Variants in RHCE observed in about 807,000 individuals in gnomAD.
RHCE encodes blood group Rh(CE) polypeptide.
Under a neutral mutation model 43.8 loss-of-function variants are expected in RHCE, and 22 were observed. The ratio of observed to expected loss-of-function variants is 0.50; its 90% CI spans 0.36 to 0.72. The LOEUF is 0.72. Ranked by LOEUF, RHCE falls within the 30% of genes least tolerant of loss-of-function variation. RHCE has a pLI of 0.00. For missense variants in RHCE, 385 were observed against 525.4 expected (o/e 0.73, Z 2.61); for synonymous variants, 156 against 210.7 (o/e 0.74, Z 2.25).
At chr1:25,415,066 C>T in intron 1 of RHCE, among the ~76,000 whole-genome samples, 1 of 152,128 alleles carries the variant, frequency 6.6e-6, no homozygotes, top group Non-Finnish European at 1.5e-5. Context: ...CAACCTGTCC[C>T]TCCCCTTCTG....
chr1:25,395,721 G>A (rs1646515662), intron 3 of RHCE, among the ~76,000 whole-genome samples: 1 of 152,186 alleles, frequency 6.6e-6, no homozygotes, highest in African/African-American at 2.4e-5. Context: ...GGAGTCCATG[G>A]TAATATAAAC....
chr1:25,384,431 G>T (rs1571856843), intron 7 of RHCE, among the ~76,000 whole-genome samples: 1 of 151,880 alleles, frequency 6.6e-6, no homozygotes, highest in Admixed American at 6.6e-5. Context: ...TTCTCTACAG[G>T]CATCTGAGTA....
chr1:25,373,122 T>G (rs1389118538), intron 8 of RHCE, among the ~76,000 whole-genome samples: 2 of 151,648 alleles, frequency 1.3e-5, no homozygotes, highest in Non-Finnish European at 2.9e-5. Context: ...TTTGCTCATG[T>G]CAAAAACAAC....
At chr1:25,391,248 G>T (rs865926898) in intron 4 of RHCE, among the ~76,000 whole-genome samples, 38 of 152,094 alleles carry the variant, frequency 2.5e-4, no homozygotes, top group Middle Eastern at 6.8e-3. Context: ...GCAGTGGCGC[G>T]ATCTTGGCTC....
At chr1:25,399,692 C>T (rs1179702846) in intron 3 of RHCE, among the ~76,000 whole-genome samples, 1 of 152,106 alleles carries the variant, frequency 6.6e-6, no homozygotes, top group Non-Finnish European at 1.5e-5. Context: ...GTTACATATA[C>T]TAGGGAAATT....
rs572710604 is a variant in RHCE, at chr1:25,413,976, C to T, written c.149-5107G>A. 7.5e-4 allele frequency among the ~76,000 whole-genome samples: 113 copies of T among 151,660 alleles called. No individual in the cohort carries two copies. The South Asian group carries it at 0.011, about 15-fold the overall frequency. On this transcript the variant is annotated intron_variant, in intron 1 of 9. Coordinates refer to ENST00000294413, the MANE Select transcript of RHCE (RefSeq NM_020485.8). ...TCAGAGCCTGGCTCTTCCTCTGTGT[C>T]CCAGCTTCCTGAGCTGTAAAATTGA...
At chr1:25,384,605 C>T (rs1217308629) in intron 7 of RHCE, among the ~76,000 whole-genome samples, 1 of 152,164 alleles carries the variant, frequency 6.6e-6, no homozygotes, top group Admixed American at 6.5e-5. Flanking sequence ...CCTCCTCATC[C>T]CAAGCAAGGA....
At chr1:25,367,518 TAA>T (rs1645463690) in intron 9 of RHCE, among the ~76,000 whole-genome samples, 1 of 102,004 alleles carries the variant, frequency 9.8e-6, no homozygotes, top group South Asian at 3.3e-4. Flanking sequence ...TTGCAGGGGA[TAA>T]AGAGAGATTG....
chr1:25,383,026 G>C (rs889941431), intron 7 of RHCE, among the ~76,000 whole-genome samples: 4 of 152,216 alleles, frequency 2.6e-5, no homozygotes, highest in African/African-American at 7.2e-5. Flanking sequence ...AGATATGGCA[G>C]TCTGAGGTTT....
At chr1:25,402,194 G>GTCTA (rs1425836561) in intron 3 of RHCE, among the ~76,000 whole-genome samples, 135 of 136,920 alleles carry the variant, frequency 9.9e-4, no homozygotes, top group African/African-American at 3.4e-3. Flanking sequence ...CTGTCTGTCT[G>GTCTA]TCTGTCTGTC....
intron 2 of RHCE, among the ~76,000 whole-genome samples, chr1:25,403,627 G>T (rs1239819615): frequency 6.6e-6 from 1 of 151,948 alleles, no homozygotes; most frequent in Non-Finnish European, 1.5e-5. Flanking sequence ...CACAAGGCTA[G>T]TGGGGTTCAT....
intron 1 of RHCE, among the ~76,000 whole-genome samples, chr1:25,418,437 G>A (rs1241695374): frequency 6.6e-6 from 1 of 151,838 alleles, no homozygotes; most frequent in Non-Finnish European, 1.5e-5. Flanking sequence ...CAAGTAGCTG[G>A]GATTACAGAC....
intron 2 of RHCE, among the ~76,000 whole-genome samples, chr1:25,428,322 TC>T (rs2042820229): frequency 6.6e-6 from 1 of 152,238 alleles, no homozygotes; most frequent in African/African-American, 2.4e-5. Context: ...ATGTACCTGT[TC>T]CTGCGCTCCC....
At chr1:25,389,225 T>C (rs1646278965) in intron 5 of RHCE, 112 bp from the exon 6 acceptor site, 2 of 1,488,152 alleles carry the variant, frequency 1.3e-6, no homozygotes, top group African/African-American at 1.4e-5. Flanking sequence ...CCTCCCTGCT[T>C]TGCTGATCCT....
At chr1:25,394,109 C>T (rs1489701625) in intron 3 of RHCE, among the ~76,000 whole-genome samples, 1 of 152,194 alleles carries the variant, frequency 6.6e-6, no homozygotes. Flanking sequence ...CTGCTTCAGC[C>T]TCCCATGTAG....
intron 7 of RHCE, among the ~76,000 whole-genome samples, chr1:25,379,572 A>G (rs1370371520): frequency 7.0e-6 from 1 of 142,488 alleles, no homozygotes; most frequent in East Asian, 2.1e-4. Flanking sequence ...TGGCATGATC[A>G]TAGCTCACTG....
intron 5 of RHCE, among the ~76,000 whole-genome samples, chr1:25,389,570 G>C (rs1646292387): frequency 6.6e-6 from 1 of 152,100 alleles, no homozygotes; most frequent in African/African-American, 2.4e-5. Context: ...CACTGCACCT[G>C]GCCTAGAAGA....
chr1:25,422,129 T>A (rs1205132201), upstream of RHCE, among the ~76,000 whole-genome samples: 2 of 152,224 alleles, frequency 1.3e-5, no homozygotes, highest in Admixed American at 1.3e-4. Context: ...CCTAAGGTCA[T>A]CTAGTCACTT....
At chr1:25,379,085 A>T (rs1645875061) in intron 7 of RHCE, among the ~76,000 whole-genome samples, 1 of 152,066 alleles carries the variant, frequency 6.6e-6, no homozygotes, top group South Asian at 2.1e-4. Flanking sequence ...TAAAATAATT[A>T]TATATAGCTC....
Sources: gnomAD v4.1 joint callset for allele counts (sites outside exome capture counted in the v4.1 genomes callset) on GRCh38, gnomAD v4.1.1 for gene constraint, MANE v1.5 for transcripts, NCBI Gene and HGNC (gene_info 2026-07-23, HGNC 2026-07-21) for gene names.